NFIB: variants seen among roughly 807,000 people sequenced by gnomAD.
The protein encoded by NFIB is nuclear factor 1 B-type.
A neutral mutation model predicts 61.5 loss-of-function variants in NFIB; 11 were observed. The ratio of observed to expected loss-of-function variants is 0.18; its 90% confidence interval spans 0.11 to 0.30. NFIB has a LOEUF of 0.30. Ranked by LOEUF, NFIB falls within the 10% of genes least tolerant of loss-of-function variation. NFIB has a pLI of 1.00. For missense variants in NFIB, 471 were observed against 608.9 expected (o/e 0.77, Z 2.38); for synonymous variants, 260 against 216.5 (o/e 1.20, Z -1.76).
chr9:14,241,587 A>T (rs866107976), intron 2 of NFIB, among the ~76,000 whole-genome samples: 1 of 152,136 alleles, frequency 6.6e-6, no homozygotes, highest in Non-Finnish European at 1.5e-5. Context: ...AATTAACAAC[A>T]TATCTCATAG....
At chr9:14,454,925 G>C in the NFIB span, among the ~76,000 whole-genome samples, 1 of 152,140 alleles carries the variant, frequency 6.6e-6, no homozygotes, top group Non-Finnish European at 1.5e-5. Flanking sequence ...GCTGCTTCTC[G>C]AACCTGGAAT....
At chr9:14,246,935 C>A (rs1410245915) in intron 2 of NFIB, among the ~76,000 whole-genome samples, 1 of 152,138 alleles carries the variant, frequency 6.6e-6, no homozygotes, top group Non-Finnish European at 1.5e-5. Context: ...GGTTTAGTAT[C>A]CCTACAAAGA....
At chr9:14,529,340 G>C in the NFIB span, among the ~76,000 whole-genome samples, 14 of 152,076 alleles carry the variant, frequency 9.2e-5, no homozygotes, top group African/African-American at 2.9e-4. Flanking sequence ...TGCAGCTTTG[G>C]AATTCAGGAT....
At chr9:14,213,172 C>T (rs917247053) in intron 2 of NFIB, among the ~76,000 whole-genome samples, 9 of 152,130 alleles carry the variant, frequency 5.9e-5, no homozygotes, top group Admixed American at 2.6e-4. Flanking sequence ...TTCTCACTGC[C>T]TGGGAAGTTT....
At chr9:14,289,158 T>C (rs2058925921) in intron 2 of NFIB, among the ~76,000 whole-genome samples, 2 of 147,660 alleles carry the variant, frequency 1.4e-5, no homozygotes, top group Non-Finnish European at 3.0e-5. Context: ...ATATATTTGG[T>C]ATGCCAAATA....
At chr9:14,415,585 C>A in the NFIB span, among the ~76,000 whole-genome samples, 6 of 152,284 alleles carry the variant, frequency 3.9e-5, no homozygotes, top group Non-Finnish European at 8.8e-5. Context: ...TTGAATTTTC[C>A]AATTCATTTT....
At chr9:14,182,956 A>G (rs1191360748) in intron 2 of NFIB, among the ~76,000 whole-genome samples, 1 of 152,146 alleles carries the variant, frequency 6.6e-6, no homozygotes, top group Non-Finnish European at 1.5e-5. Context: ...CATTATCAGT[A>G]AATAAAAGAT....
chr9:14,277,515 G>A (rs2058084231), intron 2 of NFIB, among the ~76,000 whole-genome samples: 1 of 152,208 alleles, frequency 6.6e-6, no homozygotes, highest in South Asian at 2.1e-4. Context: ...GGCAAGTAGC[G>A]ACAATGGTCT....
At chr9:14,254,719 G>C (rs1181333634) in intron 2 of NFIB, among the ~76,000 whole-genome samples, 1 of 151,948 alleles carries the variant, frequency 6.6e-6, no homozygotes, top group Admixed American at 6.6e-5. Flanking sequence ...TGCTTATTAG[G>C]GTCTCACCAA....
At chr9:14,211,584 T>C (rs1202585633) in intron 2 of NFIB, among the ~76,000 whole-genome samples, 2 of 152,158 alleles carry the variant, frequency 1.3e-5, no homozygotes, top group African/African-American at 2.4e-5. Context: ...AAACTGCAAT[T>C]TGAATCCAGA....
chr9:14,121,174 G>C (rs1246509751), intron 7 of NFIB, among the ~76,000 whole-genome samples: 1 of 152,204 alleles, frequency 6.6e-6, no homozygotes, highest in Non-Finnish European at 1.5e-5. Flanking sequence ...TAAGGCAGGA[G>C]AATCACTTGA....
intron 1 of NFIB, among the ~76,000 whole-genome samples, chr9:14,347,588 G>GGGGAGAAGGGAGAAGGGAGAA (rs71321982): frequency 2.4e-4 from 37 of 151,392 alleles, no homozygotes; most frequent in East Asian, 2.0e-3. Flanking sequence ...GATTGGGAGA[G>GGGGAGAAGGGAGAAGGGAGAA]GGGAGAAGGG....
chr9:14,484,847 T>C, the NFIB span, among the ~76,000 whole-genome samples: 8 of 152,338 alleles, frequency 5.3e-5, no homozygotes, highest in Non-Finnish European at 1.0e-4. Flanking sequence ...CAAAATACCA[T>C]AGACTGGGGG....
chr9:14,193,813 G>A (rs991415936), intron 2 of NFIB, among the ~76,000 whole-genome samples: 1 of 152,154 alleles, frequency 6.6e-6, no homozygotes, highest in African/African-American at 2.4e-5. Context: ...AGAGGCAAGT[G>A]ACATAACGGA....
chr9:14,312,764 A>G (rs2060342816), intron 1 of NFIB, among the ~76,000 whole-genome samples: 1 of 152,232 alleles, frequency 6.6e-6, no homozygotes, highest in African/African-American at 2.4e-5. Context: ...GCTACGCCCA[A>G]ATATCGTCAA....
At chr9:14,318,934 A>C (rs569077360), upstream of NFIB, among the ~76,000 whole-genome samples, 1 of 152,282 alleles carries the variant, frequency 6.6e-6, no homozygotes, top group East Asian at 1.9e-4. Flanking sequence ...ACTACTCTTA[A>C]ACAAAAAACA....
intron 2 of NFIB, among the ~76,000 whole-genome samples, chr9:14,201,300 C>A (rs566398576): frequency 1.2e-4 from 19 of 152,260 alleles, no homozygotes; most frequent in African/African-American, 2.6e-4. Flanking sequence ...TCAAGGTGCT[C>A]CATAACCTGG....
the NFIB span, among the ~76,000 whole-genome samples, chr9:14,500,787 C>A: frequency 6.6e-6 from 1 of 152,100 alleles, no homozygotes; most frequent in Admixed American, 6.5e-5. Flanking sequence ...TCTCTTCATG[C>A]CATCTTGGGA....
At chr9:14,306,463 T>A (rs1478508052) in intron 2 of NFIB, among the ~76,000 whole-genome samples, 1 of 152,220 alleles carries the variant, frequency 6.6e-6, no homozygotes, top group Admixed American at 6.5e-5. Flanking sequence ...TGATATTATC[T>A]ATCTTAAGCA....
Sources: allele counts gnomAD v4.1 joint callset (sites outside exome capture counted in the v4.1 genomes callset), GRCh38; gene constraint gnomAD v4.1.1; transcripts MANE v1.5; gene names NCBI Gene and HGNC (gene_info 2026-07-23, HGNC 2026-07-21).